Variants in NPAS3 observed in about 807,000 individuals in gnomAD.
NPAS3 encodes neuronal PAS domain protein 3, also known as neuronal PAS domain-containing protein 3.
A neutral mutation model predicts 73.1 loss-of-function variants in NPAS3; 14 were observed. The observed-to-expected ratio is 0.19, with a 90% CI of 0.13 to 0.30. NPAS3 has a LOEUF of 0.30. Ranked by LOEUF, NPAS3 falls within the 10% of genes least tolerant of loss-of-function variation. The pLI, the probability that NPAS3 is intolerant of heterozygous loss-of-function variation, is 1.00. For missense variants in NPAS3, 1,096 were observed against 1,250.0 expected, an observed-to-expected ratio of 0.88 and a Z score of 1.86; for synonymous variants, 620 against 541.5, an observed-to-expected ratio of 1.14 and a Z score of -2.01.
intron 6 of NPAS3, among the ~76,000 whole-genome samples, chr14:33,714,963 G>A (rs1187595810): frequency 6.6e-6 from 1 of 152,206 alleles, no homozygotes; most frequent in Admixed American, 6.5e-5. Context: ...ACATAAGCCA[G>A]TCTTGACATC....
intron 6 of NPAS3, among the ~76,000 whole-genome samples, chr14:33,715,525 T>C (rs985533310): frequency 6.6e-6 from 1 of 152,156 alleles, no homozygotes; most frequent in Admixed American, 6.5e-5. Context: ...TCGCTTACTC[T>C]CCCCTGCTCT....
intron 2 of NPAS3, among the ~76,000 whole-genome samples, chr14:33,206,269 C>G (rs1379299575): frequency 2.0e-5 from 3 of 152,180 alleles, no homozygotes; most frequent in Non-Finnish European, 4.4e-5. Flanking sequence ...AATGCCATCT[C>G]CAACCATCAT....
chr14:33,117,394 G>A (rs531934665), intron 2 of NPAS3, among the ~76,000 whole-genome samples: 2 of 152,190 alleles, frequency 1.3e-5, no homozygotes, highest in East Asian at 1.9e-4. Context: ...TGCTGAAGGT[G>A]TCACTTGCTA....
chr14:33,455,353 C>T (rs529258407), intron 4 of NPAS3, among the ~76,000 whole-genome samples: 159 of 152,270 alleles, frequency 1.0e-3, no homozygotes, highest in African/African-American at 3.8e-3. Context: ...TAAAACTTTG[C>T]TATGGTGCCT....
intron 2 of NPAS3, among the ~76,000 whole-genome samples, chr14:33,103,544 G>A (rs1282461256): frequency 4.6e-5 from 7 of 152,158 alleles, no homozygotes; most frequent in African/African-American, 1.2e-4. Context: ...AGAAAATAGC[G>A]TCCTTGAAGA....
At chr14:33,530,693 G>A (rs1595095341) in intron 4 of NPAS3, among the ~76,000 whole-genome samples, 1 of 148,638 alleles carries the variant, frequency 6.7e-6, no homozygotes, top group South Asian at 2.2e-4. Flanking sequence ...AGAAATGTCA[G>A]TCTTAATTAT....
At chr14:33,212,892 G>T (rs1441987870) in intron 2 of NPAS3, among the ~76,000 whole-genome samples, 1 of 152,156 alleles carries the variant, frequency 6.6e-6, no homozygotes, top group Non-Finnish European at 1.5e-5. Context: ...ATAATTGTCT[G>T]TCCAAACTGT....
At chr14:33,493,611 G>A (rs2052016761) in intron 4 of NPAS3, among the ~76,000 whole-genome samples, 2 of 152,124 alleles carry the variant, frequency 1.3e-5, no homozygotes, top group African/African-American at 4.8e-5. Flanking sequence ...AAGAGATGGT[G>A]TGTAATTAAG....
intron 7 of NPAS3, among the ~76,000 whole-genome samples, chr14:33,765,309 A>C (rs1387537953): frequency 1.3e-5 from 2 of 151,878 alleles, no homozygotes; most frequent in African/African-American, 4.8e-5. Context: ...AAAAAAAAAA[A>C]AACTAAGAGT....
rs567771761 is a variant in NPAS3 at position 33,742,513 on chromosome 14, T to C, written c.852+7181T>C. On this transcript the variant is annotated intron_variant, in intron 7 of 11. Coordinates refer to ENST00000356141, the Ensembl canonical transcript of NPAS3. ...TGTGCATATCTTAATTTAACAATAA[T>C]TTATTGCTAAGAACTGCTAACAATC... Among the ~76,000 whole-genome samples, 3 of 152,340 alleles carry C rather than the reference T, an allele frequency of 2.0e-5. No homozygotes were observed. In the South Asian group the frequency reaches 6.2e-4, roughly 32 times the overall value.
At chr14:33,414,799 G>A (rs2048080991) in intron 4 of NPAS3, among the ~76,000 whole-genome samples, 1 of 152,122 alleles carries the variant, frequency 6.6e-6, no homozygotes, top group South Asian at 2.1e-4. Context: ...GTTTGATTCT[G>A]TCACCGTCCA....
chr14:33,741,062 C>G lies in NPAS3; in HGVS notation c.852+5730C>G, dbSNP rs1595533535. ...AGGGAGCAATGTGGTAGTGGTCCTT[C>G]TCTGGACATTTCTAAGAGCATACAC... On this transcript the variant is annotated intron_variant, in intron 7 of 11. Transcript: ENST00000356141. Among the ~76,000 whole-genome samples the G allele has an allele frequency of 2.0e-5, 3 of 152,104 alleles. No homozygotes were observed. In the South Asian group the frequency reaches 6.2e-4, roughly 32 times the overall value.
In NPAS3 at chr14:33,104,566, G is replaced by T. The variant is rs538147760; in HGVS notation, c.140+48572G>T. 5.2e-4 allele frequency among the ~76,000 whole-genome samples: 79 copies of T among 152,310 alleles called. 1 individual carries two copies. The highest frequency in any genetic ancestry group is 1.9e-3 in the African/African-American group (77 of 41,582). ...CATTCAGAGAACATGTGAAATAAAA[G>T]TGTATTAGCCAGAGGCCAAAATGGA... On this transcript the variant is annotated intron_variant, in intron 2 of 11. Transcript: ENST00000356141.
At chr14:33,682,002 C>CTTTTCA (rs1366557628) in intron 6 of NPAS3, among the ~76,000 whole-genome samples, 3 of 152,166 alleles carry the variant, frequency 2.0e-5, no homozygotes, top group Non-Finnish European at 4.4e-5. Context: ...ATTACTGCAC[C>CTTTTCA]TTTTCAGGAA....
At chr14:33,005,354 C>A (rs1191567924) in intron 1 of NPAS3, among the ~76,000 whole-genome samples, 1 of 152,146 alleles carries the variant, frequency 6.6e-6, no homozygotes, top group Non-Finnish European at 1.5e-5. Flanking sequence ...CTGCCTTTGA[C>A]TGAAAATGTC....
intron 4 of NPAS3, among the ~76,000 whole-genome samples, chr14:33,407,600 G>C (rs2047724288): frequency 6.6e-6 from 1 of 152,120 alleles, no homozygotes; most frequent in East Asian, 1.9e-4. Flanking sequence ...CTGATTCCTA[G>C]TCTATCATTC....
intron 4 of NPAS3, among the ~76,000 whole-genome samples, chr14:33,466,570 C>G (rs532900092): frequency 6.6e-6 from 1 of 152,028 alleles, no homozygotes; most frequent in Admixed American, 6.6e-5. Context: ...TACCTGAGAC[C>G]GAGTAATTTA....
intron 4 of NPAS3, among the ~76,000 whole-genome samples, chr14:33,418,185 T>G (rs999289705): frequency 2.0e-5 from 3 of 152,056 alleles, no homozygotes; most frequent in Non-Finnish European, 2.9e-5. Flanking sequence ...GATAGGGCCC[T>G]ACCTAACCAG....
chr14:33,095,792 T>G (rs555560578), intron 2 of NPAS3, among the ~76,000 whole-genome samples: 1 of 150,950 alleles, frequency 6.6e-6, no homozygotes, highest in South Asian at 2.1e-4. Flanking sequence ...CCTCAGCCTC[T>G]GGAGTAGCTG....
Sources: gnomAD v4.1 joint callset for allele counts (sites outside exome capture counted in the v4.1 genomes callset) on GRCh38, gnomAD v4.1.1 for gene constraint, MANE v1.5 for transcripts, NCBI Gene and HGNC (gene_info 2026-07-23, HGNC 2026-07-21) for gene names.